Variants in STARD9 observed in about 807,000 individuals in gnomAD.
The protein encoded by STARD9 is stAR-related lipid transfer protein 9.
In STARD9, 346 loss-of-function variants were observed where a neutral mutation model predicts 399.8. The observed-to-expected ratio is 0.87, with a 90% CI of 0.79 to 0.95. STARD9 has a LOEUF of 0.95. Ranked by LOEUF, STARD9 falls within the 40% of genes least tolerant of loss-of-function variation. The pLI is 0.00. For missense variants in STARD9, 5,832 were observed against 5,667.5 expected (o/e 1.03, Z -0.93); for synonymous variants, 2,203 against 2,143.5 (o/e 1.03, Z -0.77).
At chr15:42,675,060 T>C in intron 18 of STARD9, 96 bp downstream of exon 18, 1 of 1,316,734 alleles carries the variant, frequency 7.6e-7, no homozygotes, top group South Asian at 1.7e-5. Context: ...GCTTTAAAAA[T>C]GGATCACCCA....
At chr15:42,660,821 C>T (rs1019470182) in intron 9 of STARD9, among the ~76,000 whole-genome samples, 13 of 152,026 alleles carry the variant, frequency 8.6e-5, no homozygotes, top group African/African-American at 2.7e-4. Flanking sequence ...TCAGAGCCCC[C>T]TGGGAGGGAG....
At chr15:42,712,698 C>T (rs182597805) in intron 26 of STARD9, among the ~76,000 whole-genome samples, 2 of 152,180 alleles carry the variant, frequency 1.3e-5, no homozygotes, top group East Asian at 3.9e-4. Flanking sequence ...ATGCCAGTAC[C>T]ACACTTTTTG....
rs1358347466 is a variant in STARD9 at position 42,718,068 on chromosome 15, C to T, written c.13651C>T (p.Pro4551Ser). 1 of 1,537,220 alleles carries T rather than the reference C, an allele frequency of 6.5e-7. No individual in the cohort carries two copies. The highest frequency in any genetic ancestry group is 8.7e-7 in the Non-Finnish European group (1 of 1,146,898). ...CCTGGGGGCAGGTGTGGTGTCCCAG[C>T]CGCTGTCTCGTGTGTGGGCGGCTGT... ...GFLGAGVVSQ[P>S]LSRVWAAVSD... The change falls in exon 30 of 33, where the codon CCG (proline) becomes TCG (serine). Residue 4551 changes from proline (P) to serine (S), a missense_variant. Transcript: ENST00000290607.
chr15:42,701,723 G>C (rs1022182741), intron 26 of STARD9, among the ~76,000 whole-genome samples: 1 of 152,084 alleles, frequency 6.6e-6, no homozygotes, highest in Non-Finnish European at 1.5e-5. Context: ...GGCCAGGCAC[G>C]GTGGCTCACG....
intron 20 of STARD9, 69 bp downstream of exon 20, chr15:42,676,044 TCA>T: frequency 1.9e-6 from 1 of 514,370 alleles, no homozygotes; most frequent in South Asian, 2.4e-5. Context: ...ACAGCATGGA[TCA>T]GGGTGGGGGT....
intron 3 of STARD9, among the ~76,000 whole-genome samples, chr15:42,620,727 C>CTTTTATTTTATTTTATTTTA (rs71108173): frequency 7.0e-5 from 10 of 142,490 alleles, no homozygotes; most frequent in African/African-American, 2.5e-4. Flanking sequence ...TAGAATGTCC[C>CTTTTATTTTATTTTATTTTA]TTTTATTTTA....
At chr15:42,625,968 C>T (rs2059198970) in intron 3 of STARD9, among the ~76,000 whole-genome samples, 1 of 152,134 alleles carries the variant, frequency 6.6e-6, no homozygotes, top group South Asian at 2.1e-4. Context: ...GTCGCCCAGG[C>T]TGGAGCACAG....
At chr15:42,628,810 G>A (rs559795505) in intron 3 of STARD9, among the ~76,000 whole-genome samples, 21 of 152,170 alleles carry the variant, frequency 1.4e-4, no homozygotes, top group Admixed American at 2.0e-4. Flanking sequence ...TGCCAGTACC[G>A]TGCTGTTTTG....
intron 1 of STARD9, chr15:42,581,302 G>T: frequency 8.4e-7 from 1 of 1,195,100 alleles, no homozygotes; most frequent in Non-Finnish European, 1.2e-6. Flanking sequence ...GAAGAACTGC[G>T]AAGATCCAAC....
chr15:42,578,170 G>A (rs1362199683), intron 1 of STARD9, among the ~76,000 whole-genome samples: 2 of 151,468 alleles, frequency 1.3e-5, no homozygotes, highest in Admixed American at 1.3e-4. Flanking sequence ...GAGTGCAATG[G>A]CGCGATCTCA....
At chr15:42,645,768 G>A (rs1364462689) in intron 7 of STARD9, among the ~76,000 whole-genome samples, 1 of 151,966 alleles carries the variant, frequency 6.6e-6, no homozygotes, top group African/African-American at 2.4e-5. Flanking sequence ...TCTTGAACTT[G>A]TGGGCTCAAG....
At chr15:42,623,607 T>A (rs1032523790) in intron 3 of STARD9, among the ~76,000 whole-genome samples, 1 of 152,186 alleles carries the variant, frequency 6.6e-6, no homozygotes, top group Non-Finnish European at 1.5e-5. Context: ...AAATAATGAC[T>A]CTTCTTTCTT....
chr15:42,634,610 T>C (rs2059386699), intron 3 of STARD9, among the ~76,000 whole-genome samples: 2 of 152,188 alleles, frequency 1.3e-5, no homozygotes, highest in Admixed American at 1.3e-4. Context: ...ATTACTTTTG[T>C]ATCTTATCTT....
rs144400192 is a variant in STARD9 at position 42,641,027 on chromosome 15, A to G, written c.559+2215A>G. On this transcript the variant is annotated intron_variant, in intron 7 of 32. Coordinates refer to ENST00000290607, the MANE Select transcript of STARD9 (RefSeq NM_020759.3). ...GCATTGGAAGAGAAGAATGGAACAG[A>G]ATCCTGTATATCAAGAACCTGGAAG... Among the ~76,000 whole-genome samples the G allele has an allele frequency of 2.0e-3, 305 of 152,278 alleles. 2 individuals are homozygous for G. Among genetic ancestry groups the G allele is most frequent in the African/African-American group, 7.1e-3 (294 of 41,556 alleles).
chr15:42,607,528 A>T (rs1407335995), intron 3 of STARD9, among the ~76,000 whole-genome samples: 1 of 151,514 alleles, frequency 6.6e-6, no homozygotes, highest in African/African-American at 2.4e-5. Flanking sequence ...TTCTGAATAG[A>T]TTCTTTCTCA....
At chr15:42,675,584 C>G in intron 18 of STARD9, 80 bp from the exon 19 acceptor site, 1 of 1,107,902 alleles carries the variant, frequency 9.0e-7, no homozygotes, top group Non-Finnish European at 1.3e-6. Context: ...GACTTTGTCT[C>G]ACAGAGCAGT....
chr15:42,642,431 A>G (rs2059558023), intron 7 of STARD9, among the ~76,000 whole-genome samples: 2 of 152,240 alleles, frequency 1.3e-5, no homozygotes, highest in Admixed American at 6.5e-5. Flanking sequence ...ATCTAAACTG[A>G]TATCTAAGTG....
In STARD9 at chr15:42,691,908, C is replaced by A. The variant is rs2060716738; in HGVS notation, c.10330C>A (p.Gln3444Lys). The A allele has an allele frequency of 6.5e-7, 1 of 1,537,134 alleles. No homozygotes were observed. The highest frequency in any genetic ancestry group is 1.4e-5 in the African/African-American group (1 of 73,034). ...GGGAAAGCGAGAGAAACTGGGTGTC[C>A]AGGTTAGGCCAGAAAATTGGTGCTC... ...QQGKREKLGVQVRPENWCSQM... is the reference protein window; with the variant it reads ...QQGKREKLGVKVRPENWCSQM... Residue 3444 changes from glutamine (Q) to lysine (K), a missense_variant, in exon 23 of 33, where the codon CAG (glutamine) becomes AAG (lysine). Gln to Lys is a moderately conservative substitution (Grantham distance 53). This residue lies in a region of STARD9 where 5,828 missense variants were observed against 5,651.1 expected (regional missense o/e 1.03). Coordinates refer to ENST00000290607, the MANE Select transcript of STARD9 (RefSeq NM_020759.3).
intron 3 of STARD9, among the ~76,000 whole-genome samples, chr15:42,601,338 A>G (rs186670557): frequency 0.011 from 1,683 of 152,038 alleles, 43 homozygotes; most frequent in African/African-American, 0.039. Flanking sequence ...ATTCGACAAA[A>G]CCGCCATCGT....
Sources: gnomAD v4.1 joint callset for allele counts (sites outside exome capture counted in the v4.1 genomes callset) on GRCh38, gnomAD v4.1.1 for gene constraint, gnomAD v4.1.1 regional missense constraint, MANE v1.5 for transcripts, NCBI Gene and HGNC (gene_info 2026-07-23, HGNC 2026-07-21) for gene names.